CLVS1: variants seen among roughly 807,000 people sequenced by gnomAD.
CLVS1 encodes clavesin 1.
Under a neutral mutation model 33.1 loss-of-function variants are expected in CLVS1, and 10 were observed. The observed-to-expected ratio is 0.30, with a 90% CI of 0.19 to 0.51. The LOEUF is 0.51. CLVS1 is among the 20% of genes least tolerant of loss of function. The pLI, the probability that CLVS1 is intolerant of heterozygous loss-of-function variation, is 0.97. For missense variants in CLVS1, 343 were observed against 433.4 expected (o/e 0.79, Z 1.85); for synonymous variants, 163 against 166.1 (o/e 0.98, Z 0.14).
chr8:61,329,283 A>ATT (rs1337467406), intron 2 of CLVS1, among the ~76,000 whole-genome samples: 1 of 151,612 alleles, frequency 6.6e-6, no homozygotes, highest in Non-Finnish European at 1.5e-5. Flanking sequence ...ATCTTCTAGC[A>ATT]TTTACTTGCA....
intron 1 of CLVS1, among the ~76,000 whole-genome samples, chr8:61,091,065 G>T (rs746080415): frequency 2.0e-5 from 3 of 152,176 alleles, no homozygotes; most frequent in Non-Finnish European, 2.9e-5. Context: ...GGACTTTGCA[G>T]ACGTGATTAA....
chr8:61,491,349 A>T (rs899467946), intron 5 of CLVS1, among the ~76,000 whole-genome samples: 1 of 152,182 alleles, frequency 6.6e-6, no homozygotes, highest in Non-Finnish European at 1.5e-5. Context: ...GACATGAGTG[A>T]CAAGAAGAGG....
At chr8:61,330,418 G>A (rs1170581894) in intron 2 of CLVS1, among the ~76,000 whole-genome samples, 1 of 152,178 alleles carries the variant, frequency 6.6e-6, no homozygotes, top group East Asian at 1.9e-4. Flanking sequence ...TTCTAATGGG[G>A]GACGTTAGAA....
Position 61,287,991 on chromosome 8 carries a change from C to G in CLVS1, c.-299C>G, listed in dbSNP as rs1809830938. ...ACACGCCTCCTACCAAAATCACAGC[C>G]CCTTGTGGAGCCCGAGCTCTCATTC... is the stretch of plus-strand genomic sequence containing the variant. On this transcript the variant is annotated 5_prime_UTR_variant, in exon 1 of 6. Coordinates refer to ENST00000325897, the MANE Select transcript of CLVS1 (RefSeq NM_173519.3). The G allele has an allele frequency of 2.4e-6, 1 of 412,632 alleles. No homozygotes were observed. Among genetic ancestry groups the G allele is most frequent in the Admixed American group, 2.5e-5 (1 of 39,532 alleles). 25.6% of individuals were successfully genotyped at this position (412,632 alleles called of 1,614,324 possible).
At chr8:61,001,917 T>C in the CLVS1 span, among the ~76,000 whole-genome samples, 1 of 152,188 alleles carries the variant, frequency 6.6e-6, no homozygotes, top group Admixed American at 6.5e-5. Context: ...ACTCTCTCAA[T>C]CTGTCGACTG....
intron 3 of CLVS1, among the ~76,000 whole-genome samples, chr8:61,446,047 T>A (rs957943426): frequency 6.6e-6 from 1 of 152,180 alleles, no homozygotes; most frequent in Non-Finnish European, 1.5e-5. Context: ...GACTTCTTTT[T>A]TTGTTCCCTT....
intron 5 of CLVS1, among the ~76,000 whole-genome samples, chr8:61,493,978 C>T (rs1232725578): frequency 2.0e-5 from 3 of 151,936 alleles, no homozygotes; most frequent in African/African-American, 7.3e-5. Context: ...CCACATAGCT[C>T]AAGAAGGCAA....
At chr8:61,490,515 A>G (rs1804035002) in intron 5 of CLVS1, among the ~76,000 whole-genome samples, 1 of 151,302 alleles carries the variant, frequency 6.6e-6, no homozygotes, top group Non-Finnish European at 1.5e-5. Context: ...AAAAATACAA[A>G]AAATTAGCTG....
chr8:61,377,038 A>G (rs1392603001), intron 3 of CLVS1: 3 of 373,396 alleles, frequency 8.0e-6, no homozygotes, highest in African/African-American at 6.2e-5. Flanking sequence ...AAGCTCCAAG[A>G]TGTTCGGCTT....
At chr8:60,982,852 G>A in the CLVS1 span, among the ~76,000 whole-genome samples, 1 of 152,144 alleles carries the variant, frequency 6.6e-6, no homozygotes, top group Non-Finnish European at 1.5e-5. Flanking sequence ...ACGGGAGGAT[G>A]GCTTGAGACA....
intron 2 of CLVS1, among the ~76,000 whole-genome samples, chr8:61,369,654 G>A (rs1460012518): frequency 4.6e-5 from 7 of 152,168 alleles, no homozygotes; most frequent in African/African-American, 1.4e-4. Context: ...TCCTTCACAC[G>A]TATTATTTTG....
chr8:61,024,280 T>C, the CLVS1 span, among the ~76,000 whole-genome samples: 1 of 151,808 alleles, frequency 6.6e-6, no homozygotes, highest in Non-Finnish European at 1.5e-5. Flanking sequence ...TAGTGGCAGG[T>C]TTCCATTTAC....
Position 61,500,697 on chromosome 8 carries a change from A to G in CLVS1, c.*1155A>G, listed in dbSNP as rs1402629446. ...GTGCCATGTTTTCCAAGACCAGTGC[A>G]TATTTTTAGACATCTCTTATTCGCC... On this transcript the variant is annotated 3_prime_UTR_variant, in exon 6 of 6. Transcript: ENST00000325897. The G allele has an allele frequency of 6.6e-6, 1 of 152,236 alleles. No homozygotes were observed. The highest frequency in any genetic ancestry group is 2.4e-5 in the African/African-American group (1 of 41,468). 9.4% of individuals were successfully genotyped at this position (152,236 alleles called of 1,614,324 possible). A position where few individuals can be genotyped will look rare whatever the true frequency, so the allele number is the denominator to read the frequency against.
At chr8:61,119,762 C>T (rs1193959384) in intron 1 of CLVS1, among the ~76,000 whole-genome samples, 1 of 106,102 alleles carries the variant, frequency 9.4e-6, no homozygotes, top group Non-Finnish European at 1.8e-5. Context: ...TGATGGGCTT[C>T]CCTTTGAGGG....
intron 3 of CLVS1, among the ~76,000 whole-genome samples, chr8:61,453,021 C>A (rs923902077): frequency 3.3e-5 from 5 of 152,046 alleles, no homozygotes. Flanking sequence ...CCGCAGGGAG[C>A]AGCTCGCTGC....
In CLVS1 at chr8:61,451,812, C is replaced by CAGAGAGAGAG. The variant is rs71257362; in HGVS notation, c.631-2303_631-2294dup. On this transcript the variant is annotated intron_variant, in intron 3 of 5. Coordinates refer to ENST00000325897, the MANE Select transcript of CLVS1 (RefSeq NM_173519.3). ...CCTCTGTACAAAACACACACACACA[C>CAGAGAGAGAG]AGAGAGAGAGAGAGAGAGAGAGAGA... Among the ~76,000 whole-genome samples the CAGAGAGAGAG allele has an allele frequency of 2.7e-3, 383 of 142,924 alleles. 1 individual carries two copies. The highest frequency in any genetic ancestry group is 9.2e-3 in the African/African-American group (352 of 38,218). 93.8% of individuals were successfully genotyped at this position (142,924 alleles called of 152,430 possible). A position where few individuals can be genotyped will look rare whatever the true frequency, so the allele number is the denominator to read the frequency against.
chr8:61,401,769 A>G (rs1160598796), intron 3 of CLVS1, among the ~76,000 whole-genome samples: 1 of 152,220 alleles, frequency 6.6e-6, no homozygotes, highest in East Asian at 1.9e-4. Context: ...ATCCTAAGTA[A>G]AAAGAACAAA....
chr8:61,040,447 CACAA>C, the CLVS1 span, among the ~76,000 whole-genome samples: 10 of 152,232 alleles, frequency 6.6e-5, no homozygotes, highest in Non-Finnish European at 1.2e-4. Context: ...TTTACATCTG[CACAA>C]ACAGTGTTAT....
At chr8:61,285,653 T>C (rs1809761178), upstream of CLVS1, among the ~76,000 whole-genome samples, 1 of 152,074 alleles carries the variant, frequency 6.6e-6, no homozygotes, top group Non-Finnish European at 1.5e-5. Context: ...TAATGTTGGG[T>C]TTGCTGTGAT....
Sources: gnomAD v4.1 joint callset for allele counts (sites outside exome capture counted in the v4.1 genomes callset) on GRCh38, gnomAD v4.1.1 for gene constraint, MANE v1.5 for transcripts, NCBI Gene and HGNC (gene_info 2026-07-23, HGNC 2026-07-21) for gene names.